UNC5C: variants seen among roughly 807,000 people sequenced by gnomAD.
UNC5C encodes unc-5 netrin receptor C, also known as netrin receptor UNC5C.
UNC5C carries 47 observed loss-of-function variants against 99.8 expected under a neutral mutation model. That is an observed-to-expected ratio of 0.47 (90% confidence interval 0.37 to 0.60). The LOEUF (loss-of-function observed/expected upper bound fraction) is 0.60. Among genes scored for constraint, UNC5C ranks in the 20% least tolerant of loss-of-function variants. The pLI is 0.00. For synonymous variants in UNC5C, 487 were observed against 452.2 expected, an observed-to-expected ratio of 1.08 and a Z score of -0.98; for missense variants, 1,062 against 1,165.9, an observed-to-expected ratio of 0.91 and a Z score of 1.30.
chr4:95,244,128 C>CA (rs1204986710), intron 6 of UNC5C, among the ~76,000 whole-genome samples: 9 of 151,894 alleles, frequency 5.9e-5, no homozygotes, highest in African/African-American at 2.2e-4. Flanking sequence ...CCAAATTAGG[C>CA]AAAAAGGAGA....
At chr4:95,529,336 G>A (rs1196398195) in intron 1 of UNC5C, among the ~76,000 whole-genome samples, 1 of 146,544 alleles carries the variant, frequency 6.8e-6, no homozygotes, top group Admixed American at 6.9e-5. Flanking sequence ...ATATTTATAT[G>A]TATATATGTG....
At chr4:95,463,264 G>T (rs1747662585) in intron 1 of UNC5C, among the ~76,000 whole-genome samples, 1 of 152,156 alleles carries the variant, frequency 6.6e-6, no homozygotes, top group African/African-American at 2.4e-5. Flanking sequence ...TGAATATGTG[G>T]ACACATCCCT....
Position 95,167,104 on chromosome 4 carries a change from A to T in UNC5C, c.*2130T>A, listed in dbSNP as rs917520455. 7.9e-5 allele frequency: 12 copies of T among 152,330 alleles called. No homozygotes were observed. The highest frequency in any genetic ancestry group is 2.9e-4 in the African/African-American group (12 of 41,568). The allele number at this position is 152,330 out of a possible 1,614,324, so 9.4% of individuals were successfully genotyped here. A position where few individuals can be genotyped will look rare whatever the true frequency, so the allele number is the denominator to read the frequency against. On this transcript the variant is annotated 3_prime_UTR_variant, in exon 16 of 16. Coordinates refer to ENST00000453304, the MANE Select transcript of UNC5C (RefSeq NM_003728.4). Reference sequence around the variant, plus strand: ...ATGAGGATGGCGGAGGCATCAAGGAATCTCAAGATGCTACCAAAATAGGAG... The same window carrying T: ...ATGAGGATGGCGGAGGCATCAAGGATTCTCAAGATGCTACCAAAATAGGAG...
chr4:95,214,294 A>C (rs893882736), intron 10 of UNC5C, among the ~76,000 whole-genome samples: 1 of 152,106 alleles, frequency 6.6e-6, no homozygotes, highest in African/African-American at 2.4e-5. Context: ...TTTTCTTTTG[A>C]GATCTTGAGG....
chr4:95,486,536 C>T (rs1721334354), intron 1 of UNC5C, among the ~76,000 whole-genome samples: 1 of 151,632 alleles, frequency 6.6e-6, no homozygotes, highest in South Asian at 2.1e-4. Context: ...TATCCATTAT[C>T]CTACACTTAA....
At chr4:95,530,890 C>A (rs901554577) in intron 1 of UNC5C, among the ~76,000 whole-genome samples, 1 of 152,114 alleles carries the variant, frequency 6.6e-6, no homozygotes, top group Non-Finnish European at 1.5e-5. Context: ...GATTCGATGA[C>A]CTTTGAAACC....
chr4:95,393,508 C>T (rs1745418865), intron 1 of UNC5C, among the ~76,000 whole-genome samples: 1 of 152,168 alleles, frequency 6.6e-6, no homozygotes, highest in South Asian at 2.1e-4. Context: ...GAAGTATTTT[C>T]TAAGTTAGAG....
intron 1 of UNC5C, among the ~76,000 whole-genome samples, chr4:95,451,262 A>C (rs1747272345): frequency 6.6e-6 from 1 of 152,194 alleles, no homozygotes; most frequent in Admixed American, 6.6e-5. Flanking sequence ...TGCTGATTTA[A>C]ATTAGGTTTG....
chr4:95,478,465 G>C (rs1721029938), intron 1 of UNC5C, among the ~76,000 whole-genome samples: 1 of 151,866 alleles, frequency 6.6e-6, no homozygotes, highest in Non-Finnish European at 1.5e-5. Context: ...GATGGTTCAG[G>C]GCTGCTTCAA....
intron 2 of UNC5C, among the ~76,000 whole-genome samples, chr4:95,335,023 C>T (rs1743277520): frequency 1.3e-5 from 2 of 151,968 alleles, no homozygotes; most frequent in Non-Finnish European, 2.9e-5. Flanking sequence ...TTAATGTAAA[C>T]ACGTTCAATT....
intron 1 of UNC5C, among the ~76,000 whole-genome samples, chr4:95,428,239 G>C (rs1746539222): frequency 6.6e-6 from 1 of 151,916 alleles, no homozygotes; most frequent in South Asian, 2.1e-4. Context: ...TAACTATTAC[G>C]AGATTAAATT....
chr4:95,257,291 C>T (rs1464566234), intron 4 of UNC5C, among the ~76,000 whole-genome samples: 2 of 152,054 alleles, frequency 1.3e-5, no homozygotes, highest in Non-Finnish European at 2.9e-5. Flanking sequence ...GTATTTGCAG[C>T]TACTTGGGAG....
chr4:95,459,327 T>G (rs1747532104), intron 1 of UNC5C, among the ~76,000 whole-genome samples: 1 of 152,168 alleles, frequency 6.6e-6, no homozygotes, highest in African/African-American at 2.4e-5. Context: ...AACTTTCTTT[T>G]GTACCTCAAG....
At chr4:95,346,319 C>T (rs1186147643) in intron 1 of UNC5C, among the ~76,000 whole-genome samples, 3 of 151,880 alleles carry the variant, frequency 2.0e-5, no homozygotes, top group Non-Finnish European at 4.4e-5. Flanking sequence ...AAGCCAGGAC[C>T]CAATGGCTTC....
At position 95,411,287 on chromosome 4, in the gene UNC5C, C is replaced by CA. The variant is rs111802631; in HGVS notation, c.125-75657dup. On this transcript the variant is annotated intron_variant, in intron 1 of 15. Transcript: ENST00000453304. ...AGATTTATGTTTTTGGTCTAGGGGG[C>CA]AAAAAAAACCCTCAGATGTCCACAA... Among the ~76,000 whole-genome samples, 937 of 151,072 alleles carry CA rather than the reference C, an allele frequency of 6.2e-3. 16 individuals are homozygous for CA. Among genetic ancestry groups the CA allele is most frequent in the African/African-American group, 0.021 (845 of 41,052 alleles).
intron 1 of UNC5C, among the ~76,000 whole-genome samples, chr4:95,458,838 C>T (rs902729840): frequency 9.2e-5 from 14 of 151,934 alleles, no homozygotes; most frequent in African/African-American, 3.4e-4. Context: ...GAATATTGAA[C>T]TTCATAGTAA....
chr4:95,485,797 T>G (rs1230051917), intron 1 of UNC5C, among the ~76,000 whole-genome samples: 6 of 151,692 alleles, frequency 4.0e-5, no homozygotes, highest in Non-Finnish European at 8.9e-5. Flanking sequence ...GTCAAGCCTA[T>G]CAGGTAGGGT....
chr4:95,423,482 A>G (rs760092224), intron 1 of UNC5C, among the ~76,000 whole-genome samples: 2 of 152,244 alleles, frequency 1.3e-5, no homozygotes, highest in East Asian at 1.9e-4. Flanking sequence ...GATTCTATCC[A>G]TGGATCACTA....
chr4:95,498,956 A>G (rs1436780821), intron 1 of UNC5C, among the ~76,000 whole-genome samples: 1 of 152,092 alleles, frequency 6.6e-6, no homozygotes, highest in Non-Finnish European at 1.5e-5. Context: ...AATTTTTTCC[A>G]GAGCAAGTTT....
Sources: allele counts gnomAD v4.1 joint callset (sites outside exome capture counted in the v4.1 genomes callset), GRCh38; gene constraint gnomAD v4.1.1; transcripts MANE v1.5; gene names NCBI Gene and HGNC (gene_info 2026-07-23, HGNC 2026-07-21).